TBC1D16: variants seen among roughly 807,000 people sequenced by gnomAD.
TBC1D16 encodes the protein CTD-2529O21.1.
In TBC1D16, 58 loss-of-function variants were observed where a neutral mutation model predicts 74.7. That is an observed-to-expected ratio of 0.78 (90% CI 0.63 to 0.97). TBC1D16 has a LOEUF of 0.97. Among genes scored for constraint, TBC1D16 ranks in the 50% least tolerant of loss-of-function variants. TBC1D16 has a pLI of 0.00. For synonymous variants in TBC1D16, 493 were observed against 474.7 expected, an observed-to-expected ratio of 1.04 and a Z score of -0.50; for missense variants, 1,014 against 1,079.5, an observed-to-expected ratio of 0.94 and a Z score of 0.85.
chr17:80,016,609 T>A (rs185120607), intron 1 of TBC1D16, among the ~76,000 whole-genome samples: 2 of 1,126 alleles, frequency 1.8e-3, no homozygotes, highest in African/African-American at 9.4e-3. Context: ...GGACAGAGGG[T>A]GGGTGGGTGG....
Position 79,940,728 on chromosome 17 carries a change from CA to C in TBC1D16, c.*130del. The C allele has an allele frequency of 8.9e-7, 1 of 1,121,538 alleles. No homozygotes were observed. Among genetic ancestry groups the C allele is most frequent in the East Asian group, 2.8e-5 (1 of 35,674 alleles). 69.5% of individuals were successfully genotyped at this position (1,121,538 alleles called of 1,614,324 possible). ...GTCATTAATATGAAAAGGTTCCTCT[CA>C]TGTTGCCCAAAAGCATTTTCCTTAG... is the stretch of plus-strand genomic sequence containing the variant. On this transcript the variant is annotated 3_prime_UTR_variant, in exon 12 of 12. Coordinates refer to ENST00000310924, the MANE Select transcript of TBC1D16 (RefSeq NM_019020.4). This position sits in a 1 kb window ranked among gnomAD's most constrained non-coding sequence, Gnocchi z 5.4.
At chr17:79,997,018 CA>C (rs1319385939) in intron 3 of TBC1D16, among the ~76,000 whole-genome samples, 1 of 151,922 alleles carries the variant, frequency 6.6e-6, no homozygotes, top group East Asian at 1.9e-4. Context: ...GATGCTGAAC[CA>C]AAAAAAGTCC....
In TBC1D16 at chr17:80,009,505, G is replaced by A. The variant is rs1424372820; in HGVS notation, c.779+655C>T. 6.6e-6 allele frequency among the ~76,000 whole-genome samples: 1 copy of A among 152,250 alleles called. No homozygotes were observed. The highest frequency in any genetic ancestry group is 1.5e-5 in the Non-Finnish European group (1 of 68,046). ...ACGGGCCCAACTCTAGCTCCTGCAA[G>A]TGTGGCCAGCAAGGAGTCCAGATAC... On this transcript the variant is annotated intron_variant, in intron 3 of 11. Coordinates refer to ENST00000310924, the MANE Select transcript of TBC1D16 (RefSeq NM_019020.4). This position sits in a 1 kb window ranked among gnomAD's most constrained non-coding sequence, Gnocchi z 5.4.
At chr17:79,963,689 T>G (rs2033719881) in intron 3 of TBC1D16, among the ~76,000 whole-genome samples, 1 of 152,174 alleles carries the variant, frequency 6.6e-6, no homozygotes, top group Non-Finnish European at 1.5e-5. Flanking sequence ...CACCTTACAT[T>G]CCCGCCAGCA....
At chr17:79,967,993 T>C (rs544113463) in intron 3 of TBC1D16, among the ~76,000 whole-genome samples, 1 of 152,308 alleles carries the variant, frequency 6.6e-6, no homozygotes, top group African/African-American at 2.4e-5. Context: ...AAAAGAATAA[T>C]CTTTAAAAAA....
chr17:80,032,135 C>T (rs139177816), intron 1 of TBC1D16, among the ~76,000 whole-genome samples: 47 of 152,308 alleles, frequency 3.1e-4, no homozygotes, highest in African/African-American at 1.1e-3. Context: ...AAGCAGTACA[C>T]GACTGAAGTG....
chr17:79,966,618 T>A (rs1387696391), intron 3 of TBC1D16, among the ~76,000 whole-genome samples: 1 of 152,216 alleles, frequency 6.6e-6, no homozygotes, highest in Non-Finnish European at 1.5e-5. Context: ...GTCTGAAACA[T>A]ACAGCAGGTC....
In TBC1D16 at chr17:79,983,216, G is replaced by A. The variant is rs1442293461; in HGVS notation, c.779+26944C>T. Among the ~76,000 whole-genome samples, 1 of 152,222 alleles carries A rather than the reference G, an allele frequency of 6.6e-6. No individual in the cohort carries two copies. Among genetic ancestry groups the A allele is most frequent in the Non-Finnish European group, 1.5e-5 (1 of 68,040 alleles). ...GGCGGTTCAGAAGACGTGGCAGCGC[G>A]GGAGGGGTTTATGGCAGGGCATGAA... On this transcript the variant is annotated intron_variant, in intron 3 of 11. Coordinates refer to ENST00000310924, the MANE Select transcript of TBC1D16 (RefSeq NM_019020.4). The surrounding 1 kb of genome is among the most constrained non-coding windows in gnomAD (Gnocchi z 5.6).
intron 3 of TBC1D16, among the ~76,000 whole-genome samples, chr17:79,995,268 C>G (rs987195348): frequency 2.7e-4 from 41 of 151,730 alleles, no homozygotes; most frequent in African/African-American, 9.4e-4. Flanking sequence ...CCACGGCACT[C>G]CAGTTTGGGT....
rs2242402 is a variant in TBC1D16, at chr17:79,944,462, G to A, written c.1908+446C>T. 3.3e-3 allele frequency among the ~76,000 whole-genome samples: 503 copies of A among 151,892 alleles called. 21 individuals carry two copies. The East Asian group carries it at 0.078, about 23-fold the overall frequency. On this transcript the variant is annotated intron_variant, in intron 10 of 11. Coordinates refer to ENST00000310924, the MANE Select transcript of TBC1D16 (RefSeq NM_019020.4). The surrounding 1 kb of genome is among the most constrained non-coding windows in gnomAD (Gnocchi z 7.7). ...GTATCACTGATTGGGGCCCTCTGGA[G>A]GGGCCGACAGGGAAGTGGGATCTCA...
intron 3 of TBC1D16, among the ~76,000 whole-genome samples, chr17:79,970,917 T>C (rs2034069889): frequency 6.7e-6 from 1 of 148,466 alleles, no homozygotes; most frequent in South Asian, 2.1e-4. Context: ...GAAACAGAGA[T>C]GCAGTTTGCT....
Position 79,971,063 on chromosome 17 carries a change from C to A in TBC1D16, c.780-18245G>T, listed in dbSNP as rs1018763115. ...TTTGAGATGGAGTCTGTCTCCATTGCCCAGGCTGGAGTGCAGTGGCGCTAT... is the reference window on the plus strand; with the variant it reads ...TTTGAGATGGAGTCTGTCTCCATTGACCAGGCTGGAGTGCAGTGGCGCTAT... On this transcript the variant is annotated intron_variant, in intron 3 of 11. Coordinates refer to ENST00000310924, the MANE Select transcript of TBC1D16 (RefSeq NM_019020.4). This position sits in a 1 kb window ranked among gnomAD's most constrained non-coding sequence, Gnocchi z 4.6. Among the ~76,000 whole-genome samples the A allele has an allele frequency of 1.3e-5, 2 of 151,846 alleles. No homozygotes were observed. The highest frequency in any genetic ancestry group is 1.3e-4 in the Admixed American group (2 of 15,236).
At chr17:80,029,571 C>A (rs944013257) in intron 1 of TBC1D16, among the ~76,000 whole-genome samples, 9 of 152,180 alleles carry the variant, frequency 5.9e-5, no homozygotes, top group African/African-American at 2.2e-4. Flanking sequence ...ACCCAAAATT[C>A]ACTGCCCAAG....
chr17:80,014,410 T>C (rs574132570), intron 1 of TBC1D16, among the ~76,000 whole-genome samples: 1 of 151,810 alleles, frequency 6.6e-6, no homozygotes, highest in South Asian at 2.1e-4. Flanking sequence ...ATACAGAATA[T>C]ATAAAGAACT....
In TBC1D16 at chr17:79,947,644, C is replaced by T. The variant is rs763648946; in HGVS notation, c.1728+1G>A. 6.2e-7 allele frequency: 1 copy of T among 1,614,010 alleles called. No individual in the cohort carries two copies. Among genetic ancestry groups the T allele is most frequent in the South Asian group, 1.1e-5 (1 of 91,072 alleles). ...GACGCACCCATCCCCCTGAGCCTCA[C>T]CAGTTGTTTCTCCATGTCCTCGTCC... On this transcript the variant is annotated splice_donor_variant, in intron 9 of 11. Transcript: ENST00000310924. LOFTEE classifies it high-confidence loss of function.
chr17:79,946,949 C>T (rs182506881), intron 9 of TBC1D16, among the ~76,000 whole-genome samples: 307 of 152,352 alleles, frequency 2.0e-3, no homozygotes, highest in Admixed American at 3.2e-3. Flanking sequence ...GGGTGAATGT[C>T]TGGTGACTGC....
In TBC1D16 at chr17:79,949,747, C is replaced by A. The variant is rs2032887903; in HGVS notation, c.1376G>T (p.Arg459Leu). The change falls in exon 7 of 12, where the codon CGA becomes CTA. Residue 459 changes from arginine (R) to leucine (L), a missense_variant. Coordinates refer to ENST00000310924, the MANE Select transcript of TBC1D16 (RefSeq NM_019020.4). The stretch of plus-strand genomic sequence containing the variant: ...CTGCTGGATCTCAGAGTACTCCTTT[C>A]GCTTCTGCAGCCGCAGCGCCTCCCG... ...EEREALRLQK[R>L]KEYSEIQQKR... 1.2e-6 allele frequency: 2 copies of A among 1,613,036 alleles called. No individual in the cohort carries two copies. Among genetic ancestry groups the A allele is most frequent in the Non-Finnish European group, 8.5e-7 (1 of 1,179,770 alleles).
At chr17:79,978,056 G>T (rs183870503) in intron 3 of TBC1D16, among the ~76,000 whole-genome samples, 1 of 152,186 alleles carries the variant, frequency 6.6e-6, no homozygotes. Flanking sequence ...GCGCACAGCC[G>T]GCCGGATTCT....
chr17:79,992,157 C>CGTCCTTTCA (rs2035090082), intron 3 of TBC1D16: 1 of 152,350 alleles, frequency 6.6e-6, no homozygotes, highest in South Asian at 2.1e-4. Context: ...GCACACAATG[C>CGTCCTTTCA]GTCCTTTCAC....
Sources: gnomAD v4.1 joint callset for allele counts (sites outside exome capture counted in the v4.1 genomes callset) on GRCh38, gnomAD v4.1.1 for gene constraint, Gnocchi (gnomAD v3.1) non-coding constraint, MANE v1.5 for transcripts, NCBI Gene and HGNC (gene_info 2026-07-23, HGNC 2026-07-21) for gene names.